MTR: variants seen among roughly 807,000 people sequenced by gnomAD.
MTR encodes the protein 5-methyltetrahydrofolate-homocysteine methyltransferase, also known as methionine synthase.
MTR carries 84 observed loss-of-function variants against 154.8 expected under a neutral mutation model. That is an observed-to-expected ratio of 0.54 (90% confidence interval 0.45 to 0.65). MTR has a LOEUF of 0.65. Among genes scored for constraint, MTR ranks in the 30% least tolerant of loss-of-function variants. The probability of loss-of-function intolerance (pLI) is 0.00; values close to 1 mark genes in which losing one functional copy is unlikely to be tolerated. For missense variants in MTR, 1,275 were observed against 1,570.2 expected, an observed-to-expected ratio of 0.81 and a Z score of 3.18; for synonymous variants, 554 against 553.9, an observed-to-expected ratio of 1.00 and a Z score of 0.00.
Position 236,810,612 on chromosome 1 carries a change from T to A in MTR, c.502+17T>A. On this transcript the variant is annotated intron_variant, in intron 5 of 32. Coordinates refer to ENST00000366577, the MANE Select transcript of MTR (RefSeq NM_000254.3). ...GGAACATCAGTGAGTATTTACCACA[T>A]ATAATCATTGATCTTGGGGAAGTAC... 1 of 1,594,966 alleles carries A rather than the reference T, an allele frequency of 6.3e-7. No homozygotes were observed. Among genetic ancestry groups the A allele is most frequent in the Non-Finnish European group, 8.6e-7 (1 of 1,162,706 alleles).
chr1:236,862,252 G>C lies in MTR; in HGVS notation c.2213G>C (p.Arg738Pro), dbSNP rs776057319. ...TTTTCTCAGGTTATAAAGTCAGCCC[G>C]GGTTATGAAGAAGGCTGTTGGCCAC... Reference protein sequence around the residue: ...MFLPQVIKSARVMKKAVGHLI... With the variant: ...MFLPQVIKSAPVMKKAVGHLI... Residue 738 changes from arginine to proline, a missense_variant, in exon 21 of 33, where the codon CGG becomes CCG. By Grantham distance (103) the Arg-to-Pro change is moderately radical (BLOSUM62 -2). Transcript: ENST00000366577. 6.2e-7 allele frequency: 1 copy of C among 1,613,866 alleles called. No homozygotes were observed. Among genetic ancestry groups the C allele is most frequent in the Non-Finnish European group, 8.5e-7 (1 of 1,179,806 alleles).
Position 236,894,835 on chromosome 1 carries a change from CTCT to C in MTR, c.3405+280_3405+282del, listed in dbSNP as rs1572348435. On this transcript the variant is annotated intron_variant, in intron 30 of 32. Coordinates refer to ENST00000366577, the MANE Select transcript of MTR (RefSeq NM_000254.3). ...TATCTCTACCTTATCTCTGTTGTCT[CTCT>C]TTGCTTGTTGTGATGTGACATTTTC... is the stretch of plus-strand genomic sequence containing the variant. 1.4e-5 allele frequency: 7 copies of C among 485,190 alleles called. No individual in the cohort carries two copies. The East Asian group carries it at 2.3e-4, about 16-fold the overall frequency. The allele number at this position is 485,190 out of a possible 1,614,324, so 30.1% of individuals were successfully genotyped here.
In MTR at chr1:236,902,169, A is replaced by C. The variant is rs1189051874; in HGVS notation, c.*4525A>C. The C allele has an allele frequency of 6.6e-6, 1 of 152,176 alleles. No homozygotes were observed. Among genetic ancestry groups the C allele is most frequent in the Non-Finnish European group, 1.5e-5 (1 of 68,150 alleles). 9.4% of individuals were successfully genotyped at this position (152,176 alleles called of 1,614,324 possible). Reference sequence around the variant, plus strand: ...CCCTTAGAGGCATGCAAAGCCTTCCATGTCTGACCCTGCCTCATGTCTTGG... The same window carrying C: ...CCCTTAGAGGCATGCAAAGCCTTCCCTGTCTGACCCTGCCTCATGTCTTGG... On this transcript the variant is annotated 3_prime_UTR_variant, in exon 33 of 33. Transcript: ENST00000366577.
At position 236,795,668 on chromosome 1, in the gene MTR, T is replaced by C; in HGVS notation, c.-36T>C. 1 of 1,613,628 alleles carries C rather than the reference T, an allele frequency of 6.2e-7. No homozygotes were observed. On this transcript the variant is annotated 5_prime_UTR_variant, in exon 1 of 33. Transcript: ENST00000366577. ...TCACCTGTGGAGAGCACGTCTTCTC[T>C]GCCGCGCCCTCTGCGCAAGGAGGAG...
chr1:236,865,638 A>AT (rs978247152), intron 22 of MTR, among the ~76,000 whole-genome samples: 14 of 152,200 alleles, frequency 9.2e-5, no homozygotes, highest in African/African-American at 3.4e-4. Context: ...GAGAAAATGT[A>AT]TTTTTTAAAT....
intron 22 of MTR, among the ~76,000 whole-genome samples, chr1:236,866,497 TG>T (rs35511250): frequency 0.35 from 53,037 of 151,990 alleles, 10,039 homozygotes; most frequent in Non-Finnish European, 0.41. Flanking sequence ...TTAATAACTC[TG>T]TAATGGCCTT....
chr1:236,853,851 C>G (rs1443792062), intron 18 of MTR, among the ~76,000 whole-genome samples: 1 of 152,188 alleles, frequency 6.6e-6, no homozygotes, highest in East Asian at 1.9e-4. Context: ...GCTTGTTTCT[C>G]ATTTATATGT....
chr1:236,846,267 C>G (rs1245653868), intron 15 of MTR, among the ~76,000 whole-genome samples: 1 of 152,114 alleles, frequency 6.6e-6, no homozygotes, highest in Non-Finnish European at 1.5e-5. Context: ...ATTTAGTTCT[C>G]TTTTTCTAAA....
At chr1:236,827,854 A>G (rs1470688975) in intron 11 of MTR, among the ~76,000 whole-genome samples, 1 of 152,158 alleles carries the variant, frequency 6.6e-6, no homozygotes, top group African/African-American at 2.4e-5. Context: ...ACTGATGATC[A>G]TATTTCCAGC....
intron 18 of MTR, among the ~76,000 whole-genome samples, chr1:236,858,053 C>T (rs986697534): frequency 2.0e-5 from 3 of 152,116 alleles, no homozygotes; most frequent in Admixed American, 1.3e-4. Flanking sequence ...GCATAAGGAA[C>T]AGAAGTGTTC....
intron 18 of MTR, among the ~76,000 whole-genome samples, chr1:236,855,627 C>T (rs1664159080): frequency 6.6e-6 from 1 of 152,188 alleles, no homozygotes; most frequent in South Asian, 2.1e-4. Context: ...GCTTTCTCTG[C>T]AGCAGTTTAC....
intron 18 of MTR, among the ~76,000 whole-genome samples, chr1:236,854,804 C>T (rs907100886): frequency 1.3e-5 from 2 of 152,138 alleles, no homozygotes; most frequent in East Asian, 1.9e-4. Flanking sequence ...TCACTTTTAG[C>T]GTTTGTTTAC....
chr1:236,839,226 T>C (rs1663089376), intron 15 of MTR, among the ~76,000 whole-genome samples: 1 of 152,132 alleles, frequency 6.6e-6, no homozygotes, highest in South Asian at 2.1e-4. Context: ...AAACTTAGAT[T>C]CCCATTTCCA....
chr1:236,856,313 A>G (rs1664198953), intron 18 of MTR, among the ~76,000 whole-genome samples: 1 of 152,020 alleles, frequency 6.6e-6, no homozygotes. Context: ...AAGTGATGGG[A>G]CTGTGAACAT....
intron 25 of MTR, among the ~76,000 whole-genome samples, chr1:236,884,273 T>C (rs181446361): frequency 2.0e-4 from 30 of 152,298 alleles, no homozygotes; most frequent in African/African-American, 3.6e-4. Flanking sequence ...GCAGCTCTCA[T>C]AGGGCTTTCT....
chr1:236,897,310 G>GTGCGCGCGCACACACACA (rs1666694687), intron 32 of MTR, among the ~76,000 whole-genome samples, 192 bp downstream of exon 32: 1 of 128,614 alleles, frequency 7.8e-6, no homozygotes, highest in East Asian at 2.3e-4. Flanking sequence ...CCACACACAC[G>GTGCGCGCGCACACACACA]CACACACACA....
chr1:236,854,392 T>C (rs1304331398), intron 18 of MTR, among the ~76,000 whole-genome samples: 2 of 152,242 alleles, frequency 1.3e-5, no homozygotes, highest in African/African-American at 4.8e-5. Flanking sequence ...GTTCTACTTC[T>C]CAGCACATTA....
chr1:236,883,299 C>T (rs1230571272), intron 25 of MTR, among the ~76,000 whole-genome samples: 1 of 152,146 alleles, frequency 6.6e-6, no homozygotes, highest in East Asian at 1.9e-4. Flanking sequence ...GGTTAGCGCA[C>T]ATATTGACCA....
rs764918943 is a variant in MTR, at chr1:236,812,844, G to T, written c.609G>T (p.Lys203Asn). ...CTATTTTTGATACTGCCAATGCCAA[G>T]GTGAGTTAAGGGAGAAAAAACAGAC... ...IETIFDTANA[K>N]AALFALQNLF... Residue 203 changes from lysine to asparagine, a missense_variant and splice_region_variant, in exon 6 of 33, where the codon AAG (lysine) becomes AAT (asparagine). Physicochemically the swap from Lys to Asn is moderately conservative, Grantham distance 94. Coordinates refer to ENST00000366577, the MANE Select transcript of MTR (RefSeq NM_000254.3). 1.2e-6 allele frequency: 2 copies of T among 1,613,374 alleles called. No individual in the cohort carries two copies. Among genetic ancestry groups the T allele is most frequent in the Non-Finnish European group, 1.7e-6 (2 of 1,179,344 alleles).
Sources: gnomAD v4.1 joint callset for allele counts (sites outside exome capture counted in the v4.1 genomes callset) on GRCh38, gnomAD v4.1.1 for gene constraint, MANE v1.5 for transcripts, NCBI Gene and HGNC (gene_info 2026-07-23, HGNC 2026-07-21) for gene names.